DDX31: variants seen among roughly 807,000 people sequenced by gnomAD.
The protein encoded by DDX31 is ATP-dependent DNA helicase DDX31.
A neutral mutation model predicts 91.3 loss-of-function variants in DDX31; 70 were observed. The observed-to-expected ratio is 0.77, with a 90% CI of 0.63 to 0.94. DDX31 has a LOEUF of 0.94. Among genes scored for constraint, DDX31 ranks in the 40% least tolerant of loss-of-function variants. The probability of loss-of-function intolerance (pLI) is 0.00; values close to 1 mark genes in which losing one functional copy is unlikely to be tolerated. For missense variants in DDX31, 902 were observed against 925.0 expected, an observed-to-expected ratio of 0.98 and a Z score of 0.32; for synonymous variants, 362 against 350.6, an observed-to-expected ratio of 1.03 and a Z score of -0.36.
Position 132,594,768 on chromosome 9 carries a change from G to T in DDX31, c.*98C>A. ...CTTGGGGACGTGGTATTCAGGCAAA[G>T]GCGCAGTTATTTTTCACAAGCCTCC... On this transcript the variant is annotated 3_prime_UTR_variant, in exon 20 of 20. Coordinates refer to ENST00000372159, the MANE Select transcript of DDX31 (RefSeq NM_022779.9). The T allele has an allele frequency of 6.5e-7, 1 of 1,532,830 alleles. No homozygotes were observed. The highest frequency in any genetic ancestry group is 1.3e-5 in the South Asian group (1 of 77,434). The allele number at this position is 1,532,830 out of a possible 1,614,324, so 95.0% of individuals were successfully genotyped here. A position where few individuals can be genotyped will look rare whatever the true frequency, so the allele number is the denominator to read the frequency against.
At chr9:132,627,355 CG>C (rs1832459901) in intron 16 of DDX31, among the ~76,000 whole-genome samples, 1 of 152,098 alleles carries the variant, frequency 6.6e-6, no homozygotes, top group African/African-American at 2.4e-5. Flanking sequence ...TGAGAGGGAA[CG>C]GGAGTGATTT....
chr9:132,605,263 G>A (rs1475822516), intron 19 of DDX31, among the ~76,000 whole-genome samples: 1 of 152,158 alleles, frequency 6.6e-6, no homozygotes, highest in African/African-American at 2.4e-5. Context: ...CCTACTGCGT[G>A]CCAGGTTCTG....
At chr9:132,638,895 T>G (rs926360201) in intron 14 of DDX31, among the ~76,000 whole-genome samples, 1 of 152,216 alleles carries the variant, frequency 6.6e-6, no homozygotes, top group African/African-American at 2.4e-5. Flanking sequence ...ATTCTGGCCT[T>G]GTTAAAAGGA....
chr9:132,630,489 G>T, intron 15 of DDX31, 86 bp from the exon 16 acceptor site: 1 of 1,329,172 alleles, frequency 7.5e-7, no homozygotes, highest in Non-Finnish European at 1.0e-6. Flanking sequence ...CTGCCTCCAG[G>T]TATCCCAAGA....
intron 14 of DDX31, among the ~76,000 whole-genome samples, chr9:132,634,262 A>G (rs1564308181): frequency 6.6e-6 from 1 of 152,220 alleles, no homozygotes; most frequent in Non-Finnish European, 1.5e-5. Flanking sequence ...AAAAGTTAAA[A>G]GACTAGTACA....
intron 4 of DDX31, among the ~76,000 whole-genome samples, chr9:132,660,127 G>T (rs1834841122): frequency 6.6e-6 from 1 of 151,988 alleles, no homozygotes; most frequent in South Asian, 2.1e-4. Flanking sequence ...CCTGAGGTAA[G>T]GAGTTTGACC....
chr9:132,627,659 A>G (rs1832476650), intron 16 of DDX31, among the ~76,000 whole-genome samples: 1 of 152,256 alleles, frequency 6.6e-6, no homozygotes, highest in Non-Finnish European at 1.5e-5. Context: ...AGAAGTCAAA[A>G]GAATGCAGAA....
At chr9:132,639,290 G>A (rs1193233779) in intron 14 of DDX31, among the ~76,000 whole-genome samples, 2 of 151,980 alleles carry the variant, frequency 1.3e-5, no homozygotes, top group Non-Finnish European at 2.9e-5. Flanking sequence ...CGGCCCTCCT[G>A]TTCTGGCCCA....
chr9:132,652,303 A>C, intron 7 of DDX31, 145 bp downstream of exon 7: 2 of 862,126 alleles, frequency 2.3e-6, no homozygotes, highest in Non-Finnish European at 3.6e-6. Context: ...CTTGACAAGA[A>C]CCAGAAGGAT....
chr9:132,613,550 C>G (rs1257331969), intron 18 of DDX31, among the ~76,000 whole-genome samples: 1 of 152,022 alleles, frequency 6.6e-6, no homozygotes, highest in Non-Finnish European at 1.5e-5. Context: ...AAAAATTAGC[C>G]GGATGTGGTG....
rs1320639399 is a variant in DDX31 at position 132,659,782 on chromosome 9, T to G, written c.453-2A>C. The G allele has an allele frequency of 1.2e-6, 2 of 1,612,848 alleles. No homozygotes were observed. The highest frequency in any genetic ancestry group is 2.2e-5 in the South Asian group (2 of 90,802). On this transcript the variant is annotated splice_acceptor_variant, in intron 4 of 19. Transcript: ENST00000372159. LOFTEE classifies it high-confidence loss of function. The stretch of plus-strand genomic sequence containing the variant: ...ACAGGAATACTTTGCTTCTGAACAC[T>G]GGGCCACCCGAAAAAAAGAACACAC...
In DDX31 at chr9:132,595,017, A is replaced by G; in HGVS notation, c.2090T>C (p.Val697Ala). ...SSGMEADIAK[V>A]KKQNAPGEPG... ...CTCTCCAGGTGCGTTTTGCTTTTTG[A>G]CCTTGGCGATGTCGGCCTCCATGCC... is the stretch of plus-strand genomic sequence containing the variant. Residue 697 changes from valine (V) to alanine (A), a missense_variant, in exon 20 of 20, where the codon GTC becomes GCC. Coordinates refer to ENST00000372159, the MANE Select transcript of DDX31 (RefSeq NM_022779.9). This position sits in a 1 kb window ranked among gnomAD's most constrained non-coding sequence, Gnocchi z 4.6. 1 of 1,614,090 alleles carries G rather than the reference A, an allele frequency of 6.2e-7. No homozygotes were observed. The highest frequency in any genetic ancestry group is 8.5e-7 in the Non-Finnish European group (1 of 1,180,018).
chr9:132,617,458 T>C (rs1053467767), intron 18 of DDX31, among the ~76,000 whole-genome samples: 1 of 152,114 alleles, frequency 6.6e-6, no homozygotes, highest in African/African-American at 2.4e-5. Flanking sequence ...TGATCTCGCA[T>C]GCATTCCAAG....
intron 7 of DDX31, among the ~76,000 whole-genome samples, chr9:132,652,169 T>G (rs1190530333): frequency 1.4e-5 from 2 of 147,018 alleles, no homozygotes; most frequent in Admixed American, 6.7e-5. Context: ...TTTCTGTAGG[T>G]TTTTTTTTAG....
At chr9:132,656,337 A>G (rs545932070) in intron 6 of DDX31, among the ~76,000 whole-genome samples, 1 of 152,374 alleles carries the variant, frequency 6.6e-6, no homozygotes, top group East Asian at 1.9e-4. Flanking sequence ...AGAATATTCC[A>G]GTCTTTAATA....
intron 13 of DDX31, among the ~76,000 whole-genome samples, chr9:132,643,546 G>C (rs952041487): frequency 6.6e-6 from 1 of 152,170 alleles, no homozygotes; most frequent in African/African-American, 2.4e-5. Context: ...CATTCATCGA[G>C]TGCCCACCAT....
At chr9:132,631,045 C>A (rs529885624) in intron 15 of DDX31, among the ~76,000 whole-genome samples, 87 of 152,366 alleles carry the variant, frequency 5.7e-4, no homozygotes, top group Non-Finnish European at 8.8e-4. Flanking sequence ...GCACGGAGAG[C>A]ACTGCCAACT....
chr9:132,601,165 G>T (rs1394453249), intron 19 of DDX31, among the ~76,000 whole-genome samples: 1 of 152,172 alleles, frequency 6.6e-6, no homozygotes, highest in African/African-American at 2.4e-5. Context: ...GGGTGAACTG[G>T]ATGAAATCAT....
Position 132,659,788 on chromosome 9 carries a change from A to G in DDX31, c.453-8T>C, listed in dbSNP as rs756660124. On this transcript the variant is annotated splice_polypyrimidine_tract_variant and splice_region_variant and intron_variant, in intron 4 of 19. Transcript: ENST00000372159. ...ATACTTTGCTTCTGAACACTGGGCC[A>G]CCCGAAAAAAAGAACACACTTTACC... The G allele has an allele frequency of 1.2e-6, 2 of 1,612,262 alleles. No individual in the cohort carries two copies. The highest frequency in any genetic ancestry group is 1.7e-6 in the Non-Finnish European group (2 of 1,179,054).
Sources: gnomAD v4.1 joint callset for allele counts (sites outside exome capture counted in the v4.1 genomes callset) on GRCh38, gnomAD v4.1.1 for gene constraint, Gnocchi (gnomAD v3.1) non-coding constraint, MANE v1.5 for transcripts, NCBI Gene and HGNC (gene_info 2026-07-23, HGNC 2026-07-21) for gene names.